The following SLC25A48 variants were observed in gnomAD, a reference collection of about 807,000 sequenced individuals.
The protein encoded by SLC25A48 is CTC-321K16.1.
SLC25A48 carries 29 observed loss-of-function variants against 32.2 expected under a neutral mutation model. That is an observed-to-expected ratio of 0.90 (90% CI 0.67 to 1.23). The LOEUF is 1.23. Ranked by LOEUF, SLC25A48 falls within the 50% of genes most tolerant of loss-of-function variation. SLC25A48 has a pLI of 0.00. For missense variants in SLC25A48, 399 were observed against 422.7 expected (o/e 0.94, Z 0.49); for synonymous variants, 164 against 172.3 (o/e 0.95, Z 0.38).
At chr5:135,708,607 C>A (rs1193555648) in intron 3 of SLC25A48, among the ~76,000 whole-genome samples, 1 of 152,164 alleles carries the variant, frequency 6.6e-6, no homozygotes, top group Non-Finnish European at 1.5e-5. Flanking sequence ...GATGACCCAG[C>A]TATCCCAGGG....
intron 3 of SLC25A48, among the ~76,000 whole-genome samples, chr5:135,694,585 ATTTACTTTTATT>A (rs1177954939): frequency 2.7e-5 from 4 of 149,488 alleles, no homozygotes; most frequent in South Asian, 2.1e-4. Flanking sequence ...TTATTTATTT[ATTTACTTTTATT>A]TTTATTTTTA....
chr5:135,660,685 T>C (rs1753375556), intron 3 of SLC25A48, among the ~76,000 whole-genome samples: 1 of 152,202 alleles, frequency 6.6e-6, no homozygotes, highest in South Asian at 2.1e-4. Context: ...GCTGAGAAGA[T>C]TGTTAAAGGA....
intron 1 of SLC25A48, among the ~76,000 whole-genome samples, chr5:135,835,566 C>T (rs1758432309): frequency 6.6e-6 from 1 of 151,494 alleles, no homozygotes; most frequent in African/African-American, 2.4e-5. Context: ...GATGGGTTGC[C>T]TGGGCGAGAG....
intron 4 of SLC25A48, among the ~76,000 whole-genome samples, chr5:135,813,980 T>C (rs924459267): frequency 4.6e-5 from 7 of 152,168 alleles, no homozygotes; most frequent in South Asian, 2.1e-4. Context: ...ACACAGAGTG[T>C]GCTATTCCTG....
chr5:135,719,952 C>A (rs1161074530), intron 3 of SLC25A48, among the ~76,000 whole-genome samples: 7 of 152,216 alleles, frequency 4.6e-5, no homozygotes, highest in African/African-American at 9.6e-5. Context: ...CTGCAGTCCA[C>A]CCAGCAAGGC....
intron 3 of SLC25A48, among the ~76,000 whole-genome samples, chr5:135,851,589 C>T (rs762263448): frequency 1.7e-4 from 16 of 94,954 alleles, no homozygotes; most frequent in African/African-American, 4.7e-4. Context: ...TGTGTGCATA[C>T]GTGTGTATAT....
chr5:135,625,144 A>G (rs769275273), intron 1 of SLC25A48, among the ~76,000 whole-genome samples: 40 of 152,010 alleles, frequency 2.6e-4, no homozygotes, highest in Non-Finnish European at 5.3e-4. Context: ...TGCAGCCCTG[A>G]TAGGTGAGGG....
intron 3 of SLC25A48, among the ~76,000 whole-genome samples, chr5:135,766,367 A>G (rs1379320068): frequency 1.3e-5 from 2 of 151,114 alleles, no homozygotes; most frequent in Admixed American, 6.6e-5. Context: ...GGGGGGGAAG[A>G]ATGATATTAC....
intron 3 of SLC25A48, among the ~76,000 whole-genome samples, chr5:135,664,757 A>T (rs1302816073): frequency 6.6e-6 from 1 of 151,982 alleles, no homozygotes; most frequent in African/African-American, 2.4e-5. Context: ...AAAAGACATT[A>T]TTTTTTTTGT....
chr5:135,834,357 T>G (rs892348950), upstream of SLC25A48, among the ~76,000 whole-genome samples: 6 of 152,190 alleles, frequency 3.9e-5, no homozygotes, highest in Non-Finnish European at 8.8e-5. Flanking sequence ...AAGGCATCAC[T>G]GCCCAGAGTT....
At chr5:135,662,822 T>G (rs558140334) in intron 3 of SLC25A48, among the ~76,000 whole-genome samples, 1 of 152,162 alleles carries the variant, frequency 6.6e-6, no homozygotes, top group Non-Finnish European at 1.5e-5. Context: ...CTTCTCTCAG[T>G]GTCCTCCAAT....
At chr5:135,768,076 G>A (rs1756293926) in intron 3 of SLC25A48, among the ~76,000 whole-genome samples, 3 of 149,226 alleles carry the variant, frequency 2.0e-5, no homozygotes, top group Admixed American at 2.0e-4. Context: ...CGCAGCGGGT[G>A]TACACCCCCC....
At chr5:135,811,609 A>G (rs1294788189) in intron 3 of SLC25A48, among the ~76,000 whole-genome samples, 2 of 152,238 alleles carry the variant, frequency 1.3e-5, no homozygotes, top group Non-Finnish European at 2.9e-5. Flanking sequence ...AATTAGTTCA[A>G]TGTTTTAAAA....
At chr5:135,737,030 G>A (rs1450392622) in intron 3 of SLC25A48, among the ~76,000 whole-genome samples, 3 of 152,208 alleles carry the variant, frequency 2.0e-5, no homozygotes, top group Non-Finnish European at 2.9e-5. Context: ...GTAAAGAGCA[G>A]GAGGACAGAG....
Position 135,639,451 on chromosome 5 carries a change from A to G in SLC25A48, c.-521+4495A>G, listed in dbSNP as rs2126915147. Among the ~76,000 whole-genome samples the G allele has an allele frequency of 2.0e-5, 3 of 152,346 alleles. No homozygotes were observed. The South Asian group carries it at 6.2e-4, about 32-fold the overall frequency. On this transcript the variant is annotated intron_variant, in intron 3 of 10. Coordinates refer to the SLC25A48 transcript ENST00000646290. ...CATGCAATGGGGTAGGATATTGTAG[A>G]TGACAAGAATTGTTCAGAAATTTAA... is the stretch of plus-strand genomic sequence containing the variant.
intron 3 of SLC25A48, among the ~76,000 whole-genome samples, chr5:135,756,441 A>T (rs1435672288): frequency 6.6e-6 from 1 of 152,110 alleles, no homozygotes; most frequent in Non-Finnish European, 1.5e-5. Flanking sequence ...TCCCAGGCCA[A>T]GGTGGGTGGA....
intron 1 of SLC25A48, among the ~76,000 whole-genome samples, chr5:135,839,824 T>C (rs1191367539): frequency 6.6e-6 from 1 of 152,012 alleles, no homozygotes; most frequent in Non-Finnish European, 1.5e-5. Context: ...AGTGAATGAG[T>C]CTTATGAGAC....
chr5:135,669,444 G>A (rs1274063881), intron 3 of SLC25A48, among the ~76,000 whole-genome samples: 1 of 152,104 alleles, frequency 6.6e-6, no homozygotes, highest in Non-Finnish European at 1.5e-5. Context: ...TGAAACAGAA[G>A]GGAAGGGATG....
chr5:135,681,434 C>T (rs752288123), intron 3 of SLC25A48, among the ~76,000 whole-genome samples: 81 of 152,126 alleles, frequency 5.3e-4, no homozygotes, highest in Non-Finnish European at 1.0e-3. Flanking sequence ...TCTTACATGT[C>T]TCTCCTTGAC....
Sources: gnomAD v4.1 joint callset for allele counts (sites outside exome capture counted in the v4.1 genomes callset) on GRCh38, gnomAD v4.1.1 for gene constraint, MANE v1.5 for transcripts, NCBI Gene and HGNC (gene_info 2026-07-23, HGNC 2026-07-21) for gene names.